The following GABRA3 variants were observed in gnomAD, a reference collection of about 807,000 sequenced individuals.
GABRA3 encodes the protein gamma-aminobutyric acid type A receptor subunit alpha3.
A neutral mutation model predicts 30.1 loss-of-function variants in GABRA3; 10 were observed. That is an observed-to-expected ratio of 0.33 (90% confidence interval 0.20 to 0.56). GABRA3 has a LOEUF of 0.56. GABRA3 is among the 20% of genes least tolerant of loss of function. The pLI is 0.89. For missense variants in GABRA3, 233 were observed against 392.0 expected, an observed-to-expected ratio of 0.59 and a Z score of 3.42; for synonymous variants, 151 against 146.8, an observed-to-expected ratio of 1.03 and a Z score of -0.21.
chrX:152,376,350 C>T (rs1189328116), intron 1 of GABRA3, among the ~76,000 whole-genome samples: 1 of 110,771 alleles, frequency 9.0e-6, no homozygotes, highest in Non-Finnish European at 1.9e-5. Flanking sequence ...TCCGAGCCTG[C>T]TTGAGTGAAA....
At position 152,278,551 on chromosome X, in the gene GABRA3, A is replaced by T. The variant is rs748399532; in HGVS notation, c.330+6117T>A. ...TGGTTCCAAGTCTTCGCTATTGTGA[A>T]TAGTGCCACAATAAACATACATGTG... On this transcript the variant is annotated intron_variant, in intron 4 of 9. Coordinates refer to ENST00000370314, the MANE Select transcript of GABRA3 (RefSeq NM_000808.4). Among the ~76,000 whole-genome samples, 10 of 111,767 alleles carry T rather than the reference A, an allele frequency of 8.9e-5. No individual in the cohort carries two copies. In the South Asian group the frequency reaches 3.4e-3, roughly 38 times the overall value.
chrX:152,395,835 C>T (rs752495378), intron 1 of GABRA3, among the ~76,000 whole-genome samples: 1 of 112,223 alleles, frequency 8.9e-6, no homozygotes, highest in South Asian at 3.6e-4. Context: ...AGAAGTTGGT[C>T]AATCACAGAT....
At chrX:152,239,823 CT>C (rs992520026) in intron 5 of GABRA3, among the ~76,000 whole-genome samples, 6 of 104,798 alleles carry the variant, frequency 5.7e-5, no homozygotes, top group Non-Finnish European at 1.1e-4. Flanking sequence ...CAACCCCTGC[CT>C]TTTTTTGTTT....
intron 1 of GABRA3, among the ~76,000 whole-genome samples, chrX:152,446,700 T>C (rs1457361755): frequency 9.0e-6 from 1 of 111,613 alleles, no homozygotes; most frequent in East Asian, 2.8e-4. Context: ...ATGTGCTCAG[T>C]ACCTTTTACT....
intron 1 of GABRA3, among the ~76,000 whole-genome samples, chrX:152,415,481 G>C (rs1028450839): frequency 2.3e-4 from 26 of 111,141 alleles, no homozygotes; most frequent in African/African-American, 7.8e-4. Flanking sequence ...TACTATAAAG[G>C]AGTAACATGA....
chrX:152,293,494 G>A (rs772943047), intron 3 of GABRA3, among the ~76,000 whole-genome samples: 2 of 111,014 alleles, frequency 1.8e-5, no homozygotes, highest in Non-Finnish European at 3.8e-5. Context: ...ACAGTGATGG[G>A]TCTTGACTCT....
chrX:152,385,593 G>T (rs1017287264), intron 1 of GABRA3, among the ~76,000 whole-genome samples: 22 of 111,625 alleles, frequency 2.0e-4, no homozygotes, highest in South Asian at 1.1e-3. Context: ...GCTCTTTAGT[G>T]TAATTAGATC....
intron 1 of GABRA3, among the ~76,000 whole-genome samples, chrX:152,375,997 G>A (rs1928987054): frequency 9.0e-6 from 1 of 111,470 alleles, no homozygotes; most frequent in Non-Finnish European, 1.9e-5. Context: ...GAGCCTTCCC[G>A]CCCAAAAGGC....
At chrX:152,224,619 C>G (rs1415757771) in intron 6 of GABRA3, 144 bp downstream of exon 6, 3 of 383,829 alleles carry the variant, frequency 7.8e-6, no homozygotes, top group Non-Finnish European at 1.4e-5. Context: ...ACTACTCAAC[C>G]CCACTCTCTG....
Position 152,280,067 on chromosome X carries a change from T to A in GABRA3, c.330+4601A>T, listed in dbSNP as rs1223375074. Among the ~76,000 whole-genome samples the A allele has an allele frequency of 3.6e-5, 4 of 111,488 alleles. No individual in the cohort carries two copies. In the Admixed American group the frequency reaches 3.8e-4, roughly 11 times the overall value. ...GCATGTCATCTGCAAACAGAGACAA[T>A]TTGACTTCCTCTTTTCCTAATTGAA... is the stretch of plus-strand genomic sequence containing the variant. On this transcript the variant is annotated intron_variant, in intron 4 of 9. Coordinates refer to ENST00000370314, the MANE Select transcript of GABRA3 (RefSeq NM_000808.4).
At chrX:152,184,076 C>A (rs1198083164) in intron 9 of GABRA3, among the ~76,000 whole-genome samples, 1 of 109,643 alleles carries the variant, frequency 9.1e-6, no homozygotes. Context: ...TTTGGCAATT[C>A]TTTTTATTTT....
chrX:152,327,219 A>AC (rs775387362), intron 3 of GABRA3, among the ~76,000 whole-genome samples: 4,033 of 110,862 alleles, frequency 0.036, 161 homozygotes, highest in African/African-American at 0.13. Context: ...TTAGAGACCT[A>AC]AAAGAGACTG....
At chrX:152,200,944 C>T (rs998605802) in intron 7 of GABRA3, among the ~76,000 whole-genome samples, 2 of 111,715 alleles carry the variant, frequency 1.8e-5, no homozygotes, top group East Asian at 2.8e-4. Context: ...GAAAGGAATT[C>T]TCTTTAGTAA....
intron 1 of GABRA3, among the ~76,000 whole-genome samples, chrX:152,416,273 T>C (rs1283617387): frequency 4.2e-5 from 4 of 95,744 alleles, no homozygotes; most frequent in Admixed American, 1.2e-4. Context: ...CCATTCACAA[T>C]TGCTTCAAAG....
chrX:152,193,159 T>C (rs1937344799), intron 8 of GABRA3, among the ~76,000 whole-genome samples: 1 of 111,505 alleles, frequency 9.0e-6, no homozygotes, highest in Non-Finnish European at 1.9e-5. Context: ...ATCTATAGAA[T>C]ATTCCCATCT....
At chrX:152,290,393 C>A (rs905913578) in intron 3 of GABRA3, among the ~76,000 whole-genome samples, 1 of 111,432 alleles carries the variant, frequency 9.0e-6, no homozygotes, top group African/African-American at 3.3e-5. Context: ...GTTTAAGTTC[C>A]TTGTAGATTC....
intron 1 of GABRA3, among the ~76,000 whole-genome samples, chrX:152,375,697 G>T (rs1392942136): frequency 8.9e-6 from 1 of 112,266 alleles, no homozygotes; most frequent in Non-Finnish European, 1.9e-5. Flanking sequence ...TTAGACTGAT[G>T]AAAGCAGCTG....
intron 9 of GABRA3, among the ~76,000 whole-genome samples, chrX:152,174,004 T>C (rs1937038943): frequency 9.1e-6 from 1 of 110,081 alleles, no homozygotes; most frequent in East Asian, 2.9e-4. Flanking sequence ...TGTGTTCTCA[T>C]TGTTCAATTC....
intron 1 of GABRA3, among the ~76,000 whole-genome samples, chrX:152,420,993 G>A (rs762370501): frequency 4.2e-4 from 46 of 108,975 alleles, no homozygotes; most frequent in Admixed American, 1.5e-3. Context: ...CCAGCAATGC[G>A]GAACTGTGAG....
Sources: allele counts gnomAD v4.1 joint callset (sites outside exome capture counted in the v4.1 genomes callset), GRCh38; gene constraint gnomAD v4.1.1; transcripts MANE v1.5; gene names NCBI Gene and HGNC (gene_info 2026-07-23, HGNC 2026-07-21).